The following NRG4 variants were observed in gnomAD, a reference collection of about 807,000 sequenced individuals.
NRG4 encodes the protein pro-neuregulin-4, membrane-bound isoform.
A neutral mutation model predicts 15.0 loss-of-function variants in NRG4; 10 were observed. The ratio of observed to expected loss-of-function variants is 0.67; its 90% confidence interval spans 0.41 to 1.13. The LOEUF is 1.13. Among genes scored for constraint, NRG4 ranks in the 50% most tolerant of loss-of-function variants. The pLI is 0.00. For missense variants in NRG4, 139 were observed against 140.2 expected (o/e 0.99, Z 0.04); for synonymous variants, 41 against 50.1 (o/e 0.82, Z 0.77).
At chr15:75,946,649 G>A (rs182540723) in intron 5 of NRG4, among the ~76,000 whole-genome samples, 3 of 152,266 alleles carry the variant, frequency 2.0e-5, no homozygotes, top group African/African-American at 2.4e-5. Flanking sequence ...GTGAGCCACC[G>A]CGCCTGGCCC....
Position 75,998,794 on chromosome 15 carries a change from G to A in NRG4, c.104+10406C>T, listed in dbSNP as rs7176266. 5.8e-4 allele frequency among the ~76,000 whole-genome samples: 89 copies of A among 152,258 alleles called. 1 individual carries two copies. The highest frequency in any genetic ancestry group is 2.0e-3 in the African/African-American group (83 of 41,550). On this transcript the variant is annotated intron_variant, in intron 3 of 5. Coordinates refer to ENST00000394907, the MANE Select transcript of NRG4 (RefSeq NM_138573.4). ...AAAAACACTCTTGAAGTACAGAAAA[G>A]GATTTGAACTAATGGGAAGACATAT...
intron 3 of NRG4, among the ~76,000 whole-genome samples, chr15:75,989,930 C>A (rs771464940): frequency 7.9e-5 from 12 of 152,198 alleles, no homozygotes; most frequent in Non-Finnish European, 1.2e-4. Context: ...CAGCTTGATT[C>A]TTTTAAGGCT....
At chr15:75,947,477 A>G (rs2031600720) in intron 5 of NRG4, among the ~76,000 whole-genome samples, 1 of 152,156 alleles carries the variant, frequency 6.6e-6, no homozygotes, top group Non-Finnish European at 1.5e-5. Flanking sequence ...CTTTCAAAAT[A>G]TTCTTTCTCC....
intron 5 of NRG4, among the ~76,000 whole-genome samples, chr15:75,954,586 GTT>G (rs113303003): frequency 7.0e-6 from 1 of 142,674 alleles, no homozygotes. Context: ...CCCACCATTG[GTT>G]TTTTTTTTTG....
chr15:76,033,003 T>C (rs1324679217), intron 5 of NRG4, among the ~76,000 whole-genome samples: 2 of 152,246 alleles, frequency 1.3e-5, no homozygotes, highest in Non-Finnish European at 2.9e-5. Context: ...TGAAGACTTT[T>C]ATTTGGTTGT....
intron 5 of NRG4, among the ~76,000 whole-genome samples, chr15:76,029,756 G>A (rs2035421803): frequency 6.6e-6 from 1 of 152,088 alleles, no homozygotes; most frequent in Admixed American, 6.6e-5. Flanking sequence ...ACTATAAAAT[G>A]CTGATGAAAT....
intron 5 of NRG4, among the ~76,000 whole-genome samples, chr15:75,949,219 C>T (rs1291786568): frequency 6.6e-6 from 1 of 152,100 alleles, no homozygotes; most frequent in Admixed American, 6.5e-5. Context: ...CGAGACCAGC[C>T]TGGCCAACAC....
At chr15:75,956,886 C>G (rs2032267532) in intron 4 of NRG4, among the ~76,000 whole-genome samples, 1 of 152,152 alleles carries the variant, frequency 6.6e-6, no homozygotes, top group Non-Finnish European at 1.5e-5. Flanking sequence ...GATCTTGTGA[C>G]ACACTTTCTA....
chr15:75,983,777 T>A (rs2033692237), intron 3 of NRG4, among the ~76,000 whole-genome samples: 1 of 151,980 alleles, frequency 6.6e-6, no homozygotes, highest in African/African-American at 2.4e-5. Flanking sequence ...AAGAATAAAT[T>A]TAAGAAATAT....
At chr15:75,988,647 A>T (rs572574082) in intron 3 of NRG4, among the ~76,000 whole-genome samples, 1 of 152,304 alleles carries the variant, frequency 6.6e-6, no homozygotes, top group East Asian at 1.9e-4. Flanking sequence ...CACACTGGAT[A>T]TTAACTCTGT....
intron 5 of NRG4, among the ~76,000 whole-genome samples, chr15:76,020,745 G>A (rs570509778): frequency 6.6e-5 from 10 of 152,368 alleles, no homozygotes; most frequent in African/African-American, 2.2e-4. Flanking sequence ...CTAATCCAGA[G>A]CAAGGCCCTA....
At chr15:76,023,901 T>A (rs1230625465) in intron 5 of NRG4, among the ~76,000 whole-genome samples, 1 of 152,118 alleles carries the variant, frequency 6.6e-6, no homozygotes, top group East Asian at 1.9e-4. Context: ...CTGCACACTC[T>A]CCCCTAAGCT....
intron 5 of NRG4, among the ~76,000 whole-genome samples, chr15:76,031,580 C>T (rs1437026577): frequency 1.3e-5 from 2 of 152,184 alleles, no homozygotes; most frequent in Admixed American, 1.3e-4. Context: ...GTCCCAGCTA[C>T]TCGGGAGGCT....
upstream of NRG4, among the ~76,000 whole-genome samples, chr15:76,013,393 G>A (rs2034878172): frequency 6.6e-6 from 1 of 152,032 alleles, no homozygotes; most frequent in South Asian, 2.1e-4. Context: ...TACATGTGCA[G>A]AATATGCAGG....
chr15:75,986,961 G>T (rs374194264), intron 3 of NRG4, among the ~76,000 whole-genome samples: 1 of 152,136 alleles, frequency 6.6e-6, no homozygotes, highest in African/African-American at 2.4e-5. Context: ...ATATTTAGCT[G>T]TGTTGCTTAT....
intron 3 of NRG4, among the ~76,000 whole-genome samples, chr15:75,962,229 ATAGAG>A (rs547793990): frequency 4.6e-5 from 7 of 152,224 alleles, no homozygotes; most frequent in African/African-American, 1.7e-4. Flanking sequence ...CAGATAAATT[ATAGAG>A]TATTCAGTGT....
intron 3 of NRG4, among the ~76,000 whole-genome samples, chr15:75,963,707 G>A (rs980390732): frequency 1.1e-4 from 16 of 151,824 alleles, no homozygotes; most frequent in African/African-American, 3.6e-4. Context: ...GAACCTGGGA[G>A]GCGGAGGTTG....
chr15:75,961,758 T>C, intron 4 of NRG4, 70 bp downstream of exon 4: 1 of 1,062,296 alleles, frequency 9.4e-7, no homozygotes, highest in Non-Finnish European at 1.4e-6. Context: ...ACTAAGGGCA[T>C]ATTAATTATT....
At position 75,977,660 on chromosome 15, in the gene NRG4, C is replaced by A. The variant is rs932789517; in HGVS notation, c.105-15686G>T. ...GGGCTGCATCGACTGTCTAACCAGT[C>A]CCAGTGAGATAAGCCGGGTACTTCA... On this transcript the variant is annotated intron_variant, in intron 3 of 5. Coordinates refer to ENST00000394907, the MANE Select transcript of NRG4 (RefSeq NM_138573.4). The surrounding 1 kb of genome is among the most constrained non-coding windows in gnomAD (Gnocchi z 4.9). Among the ~76,000 whole-genome samples the A allele has an allele frequency of 6.6e-6, 1 of 152,060 alleles. No individual in the cohort carries two copies. Among genetic ancestry groups the A allele is most frequent in the Non-Finnish European group, 1.5e-5 (1 of 68,022 alleles).
Sources: gnomAD v4.1 joint callset for allele counts (sites outside exome capture counted in the v4.1 genomes callset) on GRCh38, gnomAD v4.1.1 for gene constraint, Gnocchi (gnomAD v3.1) non-coding constraint, MANE v1.5 for transcripts, NCBI Gene and HGNC (gene_info 2026-07-23, HGNC 2026-07-21) for gene names.